TRERF1: variants seen among roughly 807,000 people sequenced by gnomAD.
The protein encoded by TRERF1 is transcriptional-regulating factor 1.
In TRERF1, 27 loss-of-function variants were observed where a neutral mutation model predicts 122.9. That is an observed-to-expected ratio of 0.22 (90% CI 0.16 to 0.30). The LOEUF (loss-of-function observed/expected upper bound fraction) is 0.30. TRERF1 is among the 10% of genes least tolerant of loss of function. The probability of loss-of-function intolerance (pLI) is 1.00; values close to 1 mark genes in which losing one functional copy is unlikely to be tolerated. For missense variants in TRERF1, 1,248 were observed against 1,560.3 expected, an observed-to-expected ratio of 0.80 and a Z score of 3.37; for synonymous variants, 636 against 641.7, an observed-to-expected ratio of 0.99 and a Z score of 0.13.
intron 2 of TRERF1, among the ~76,000 whole-genome samples, chr6:42,420,145 G>A (rs1475454230): frequency 6.6e-6 from 1 of 152,330 alleles, no homozygotes; most frequent in South Asian, 2.1e-4. Context: ...GAGATGGGAG[G>A]ACGGCAAAGC....
At chr6:42,396,915 A>G (rs1778690013) in intron 2 of TRERF1, among the ~76,000 whole-genome samples, 1 of 151,980 alleles carries the variant, frequency 6.6e-6, no homozygotes, top group African/African-American at 2.4e-5. Flanking sequence ...CCATACACAC[A>G]CCCTGAAGGA....
intron 3 of TRERF1, among the ~76,000 whole-genome samples, chr6:42,305,667 G>A (rs938804351): frequency 6.6e-6 from 1 of 152,110 alleles, no homozygotes. Context: ...AGGACCAAAT[G>A]AAGTGTGAAG....
intron 6 of TRERF1, among the ~76,000 whole-genome samples, 155 bp from the exon 7 acceptor site, chr6:42,265,009 G>C (rs1214561862): frequency 6.6e-6 from 1 of 152,202 alleles, no homozygotes; most frequent in Non-Finnish European, 1.5e-5. Flanking sequence ...GTGCCCTTTA[G>C]AGAACAAAGT....
intron 2 of TRERF1, among the ~76,000 whole-genome samples, chr6:42,400,403 C>CG (rs1398066899): frequency 6.6e-6 from 1 of 152,152 alleles, no homozygotes; most frequent in East Asian, 1.9e-4. Context: ...TGAGGTGGGG[C>CG]GGGGGCAGCA....
intron 14 of TRERF1, among the ~76,000 whole-genome samples, chr6:42,245,320 C>T (rs1255251411): frequency 4.6e-5 from 7 of 152,166 alleles, no homozygotes; most frequent in Non-Finnish European, 2.9e-5. Flanking sequence ...GAGGCGGAGG[C>T]GAGGCGGAGG....
chr6:42,391,615 A>G (rs1449487747), intron 2 of TRERF1, among the ~76,000 whole-genome samples: 1 of 151,854 alleles, frequency 6.6e-6, no homozygotes, highest in Non-Finnish European at 1.5e-5. Flanking sequence ...TTTGAACACG[A>G]TCTCTAAGAA....
At chr6:42,404,670 A>C (rs1250164192) in intron 2 of TRERF1, among the ~76,000 whole-genome samples, 1 of 151,960 alleles carries the variant, frequency 6.6e-6, no homozygotes, top group East Asian at 1.9e-4. Flanking sequence ...CCCCAGCAGG[A>C]TACTCTCCTC....
intron 3 of TRERF1, among the ~76,000 whole-genome samples, chr6:42,314,457 A>G (rs1762162871): frequency 6.6e-6 from 1 of 152,226 alleles, no homozygotes; most frequent in Admixed American, 6.5e-5. Flanking sequence ...AATTAAGCTC[A>G]TGCATCTAAA....
rs183682328 is a variant in TRERF1, at chr6:42,410,556, C to T, written c.-454+40621G>A. ...CTCCAAAACCCAAATCAAACATCTCCTCTGTGAAGCCTTCCCAAACCTCAC... is the reference window on the plus strand; with the variant it reads ...CTCCAAAACCCAAATCAAACATCTCTTCTGTGAAGCCTTCCCAAACCTCAC... On this transcript the variant is annotated intron_variant, in intron 2 of 17. Coordinates refer to ENST00000372922, the Ensembl canonical transcript of TRERF1. Among the ~76,000 whole-genome samples the T allele has an allele frequency of 1.3e-3, 193 of 152,312 alleles. 1 individual carries two copies. Among genetic ancestry groups the T allele is most frequent in the Non-Finnish European group, 7.2e-4 (49 of 68,020 alleles).
intron 2 of TRERF1, among the ~76,000 whole-genome samples, chr6:42,366,175 G>T (rs1314552830): frequency 6.6e-6 from 1 of 152,152 alleles, no homozygotes; most frequent in African/African-American, 2.4e-5. Context: ...TGGCTCTTCT[G>T]AGCTCACTGC....
At position 42,334,864 on chromosome 6, in the gene TRERF1, A is replaced by C. The variant is rs534005989; in HGVS notation, c.-371+28133T>G. ...TGTGCTTGAGTGAGGCATCGGGGAC[A>C]GGAATCAGCACTGGGGTTCCAGCCT... On this transcript the variant is annotated intron_variant, in intron 3 of 17. Transcript: ENST00000372922. Among the ~76,000 whole-genome samples, 12 of 152,370 alleles carry C rather than the reference A, an allele frequency of 7.9e-5. No individual in the cohort carries two copies. In the South Asian group the frequency reaches 2.3e-3, roughly 29 times the overall value.
At chr6:42,257,150 G>T (rs1776897804) in intron 10 of TRERF1, 48 bp from the exon 11 acceptor site, 2 of 1,607,762 alleles carry the variant, frequency 1.2e-6, no homozygotes. Flanking sequence ...CAATTTGATG[G>T]CTCAGGCCAA....
chr6:42,261,645 G>A (rs1175834177), intron 8 of TRERF1, among the ~76,000 whole-genome samples: 1 of 152,142 alleles, frequency 6.6e-6, no homozygotes, highest in Non-Finnish European at 1.5e-5. Context: ...AGCTGGCTAG[G>A]AGCCAAACTG....
intron 4 of TRERF1, among the ~76,000 whole-genome samples, chr6:42,293,210 A>T (rs1784575175): frequency 6.6e-6 from 1 of 152,226 alleles, no homozygotes; most frequent in African/African-American, 2.4e-5. Flanking sequence ...TAACCCTGAC[A>T]GTTTGTGGGG....
chr6:42,443,451 G>T (rs1404876456), intron 2 of TRERF1, among the ~76,000 whole-genome samples: 6 of 152,194 alleles, frequency 3.9e-5, no homozygotes, highest in Non-Finnish European at 8.8e-5. Context: ...ACTGCTTTTA[G>T]GTAGATTCAG....
At chr6:42,426,710 C>T (rs976972951) in intron 2 of TRERF1, among the ~76,000 whole-genome samples, 2 of 152,124 alleles carry the variant, frequency 1.3e-5, no homozygotes, top group Admixed American at 6.5e-5. Flanking sequence ...AACGCAGACA[C>T]GCTCATTCAT....
intron 3 of TRERF1, among the ~76,000 whole-genome samples, chr6:42,306,259 C>A (rs1787224982): frequency 6.6e-6 from 1 of 152,088 alleles, no homozygotes; most frequent in Non-Finnish European, 1.5e-5. Context: ...GCCTCAGCCT[C>A]CCAAAGTGCT....
intron 4 of TRERF1, among the ~76,000 whole-genome samples, chr6:42,281,024 T>C (rs1782213930): frequency 6.6e-6 from 1 of 152,202 alleles, no homozygotes; most frequent in Admixed American, 6.5e-5. Context: ...ATGATGAAGG[T>C]TGGCTTCTGG....
Position 42,268,104 on chromosome 6 carries a change from T to C in TRERF1, c.1437+50A>G, listed in dbSNP as rs761357230. 7.1e-7 allele frequency: 1 copy of C among 1,411,036 alleles called. No homozygotes were observed. Among genetic ancestry groups the C allele is most frequent in the East Asian group, 2.5e-5 (1 of 40,620 alleles). 87.4% of individuals were successfully genotyped at this position (1,411,036 alleles called of 1,614,324 possible). A position where few individuals can be genotyped will look rare whatever the true frequency, so the allele number is the denominator to read the frequency against. ...GGATTGAGCACTGCAGACTCAGCCCTGACCCTGTAGCACACTGGGTATTGA... is the reference window on the plus strand; with the variant it reads ...GGATTGAGCACTGCAGACTCAGCCCCGACCCTGTAGCACACTGGGTATTGA... On this transcript the variant is annotated intron_variant, in intron 5 of 17. Coordinates refer to ENST00000372922, the Ensembl canonical transcript of TRERF1. This position sits in a 1 kb window ranked among gnomAD's most constrained non-coding sequence, Gnocchi z 4.4.
Sources: gnomAD v4.1 joint callset for allele counts (sites outside exome capture counted in the v4.1 genomes callset) on GRCh38, gnomAD v4.1.1 for gene constraint, Gnocchi (gnomAD v3.1) non-coding constraint, MANE v1.5 for transcripts, NCBI Gene and HGNC (gene_info 2026-07-23, HGNC 2026-07-21) for gene names.